The following MRAP2 variants were observed in gnomAD, a reference collection of about 807,000 sequenced individuals.
MRAP2 encodes melanocortin 2 receptor accessory protein 2, also known as melanocortin-2 receptor accessory protein 2.
A neutral mutation model predicts 17.4 loss-of-function variants in MRAP2; 20 were observed. That is an observed-to-expected ratio of 1.15 (90% confidence interval 0.81 to 1.67). MRAP2 has a LOEUF of 1.67. Among genes scored for constraint, MRAP2 ranks in the 40% most tolerant of loss-of-function variants. MRAP2 has a pLI of 0.00. For missense variants in MRAP2, 238 were observed against 240.0 expected (o/e 0.99, Z 0.05); for synonymous variants, 96 against 88.4 (o/e 1.09, Z -0.48).
At chr6:84,041,198 A>C (rs751321860) in intron 1 of MRAP2, among the ~76,000 whole-genome samples, 1 of 152,240 alleles carries the variant, frequency 6.6e-6, no homozygotes, top group Non-Finnish European at 1.5e-5. Flanking sequence ...TTAAGCCCCA[A>C]GCCTTGGCAG....
At chr6:84,066,831 T>G (rs1304431579) in intron 3 of MRAP2, among the ~76,000 whole-genome samples, 1 of 152,194 alleles carries the variant, frequency 6.6e-6, no homozygotes, top group Non-Finnish European at 1.5e-5. Flanking sequence ...TATCTCAGAT[T>G]GGCAATTTTT....
intron 3 of MRAP2, among the ~76,000 whole-genome samples, chr6:84,075,250 C>G (rs1330156815): frequency 6.6e-6 from 1 of 152,136 alleles, no homozygotes; most frequent in Non-Finnish European, 1.5e-5. Context: ...ACTAGCCACA[C>G]CCACCTGACT....
chr6:84,033,720 T>A (rs145374677), upstream of MRAP2: 3,190 of 985,096 alleles, frequency 3.2e-3, 80 homozygotes, highest in African/African-American at 0.051. Flanking sequence ...CCGCGCCGCC[T>A]CCGCTGCGGG....
Position 84,051,696 on chromosome 6 carries a change from C to G in MRAP2, c.-7-3616C>G, listed in dbSNP as rs143699478. On this transcript the variant is annotated intron_variant, in intron 1 of 3. Coordinates refer to ENST00000257776, the MANE Select transcript of MRAP2 (RefSeq NM_138409.4). ...TGTGATCATACCATCGCATTCCTAC[C>G]TGGGCAATAGAGTAAGACCTTGTCT... Among the ~76,000 whole-genome samples the G allele has an allele frequency of 1.7e-3, 257 of 152,228 alleles. 1 individual carries two copies. Among genetic ancestry groups the G allele is most frequent in the African/African-American group, 6.0e-3 (248 of 41,540 alleles).
chr6:84,127,734 G>C, the MRAP2 span, among the ~76,000 whole-genome samples: 1 of 152,116 alleles, frequency 6.6e-6, no homozygotes, highest in African/African-American at 2.4e-5. Context: ...TGATACACCT[G>C]TTCCTGGTAC....
chr6:84,047,687 C>T (rs1051529260), intron 1 of MRAP2, among the ~76,000 whole-genome samples: 1 of 152,080 alleles, frequency 6.6e-6, no homozygotes, highest in Admixed American at 6.5e-5. Flanking sequence ...TGGTAAATAA[C>T]AATTTCCCAT....
chr6:84,091,090 A>G (rs1167946357), downstream of MRAP2, among the ~76,000 whole-genome samples: 1 of 152,182 alleles, frequency 6.6e-6, no homozygotes, highest in Admixed American at 6.6e-5. Flanking sequence ...TAAAGAAAAT[A>G]TCATTCTTTA....
intron 2 of MRAP2, among the ~76,000 whole-genome samples, chr6:84,059,189 G>T (rs1265075565): frequency 6.6e-6 from 1 of 152,162 alleles, no homozygotes; most frequent in Non-Finnish European, 1.5e-5. Flanking sequence ...CTCTTAATTT[G>T]AGCTATCAGT....
At chr6:84,133,461 GGA>G in the MRAP2 span, among the ~76,000 whole-genome samples, 2 of 152,174 alleles carry the variant, frequency 1.3e-5, no homozygotes, top group Non-Finnish European at 2.9e-5. Flanking sequence ...CCCCAGAGGT[GGA>G]GTCTATAGAG....
the MRAP2 span, chr6:84,125,363 G>C: frequency 9.0e-7 from 1 of 1,113,672 alleles, no homozygotes; most frequent in African/African-American, 1.6e-5. Context: ...GCAAACCTGG[G>C]GTTTCTTTGG....
chr6:84,067,332 C>G (rs947891086), intron 3 of MRAP2, among the ~76,000 whole-genome samples: 3 of 152,176 alleles, frequency 2.0e-5, no homozygotes, highest in Admixed American at 1.3e-4. Context: ...AATTGTGCTG[C>G]TATAAGCATG....
intron 3 of MRAP2, among the ~76,000 whole-genome samples, chr6:84,085,541 C>T (rs1241547404): frequency 1.3e-5 from 2 of 152,142 alleles, no homozygotes; most frequent in Non-Finnish European, 2.9e-5. Flanking sequence ...ATCCTGCATC[C>T]ACCACTTAGG....
chr6:84,064,518 T>C lies in MRAP2; in HGVS notation c.227+1526T>C, dbSNP rs193075659. Among the ~76,000 whole-genome samples, 905 of 152,202 alleles carry C rather than the reference T, an allele frequency of 5.9e-3. 25 individuals carry two copies. The highest frequency in any genetic ancestry group is 0.051 in the Admixed American group (775 of 15,292). The stretch of plus-strand genomic sequence containing the variant: ...TTGTTTGTTTTTTGAGACGGAGTCT[T>C]GCTCTGTCACCCAGGCTGGAGTGCA... On this transcript the variant is annotated intron_variant, in intron 3 of 3. Transcript: ENST00000257776.
chr6:84,094,252 GC>G (rs2099502287), downstream of MRAP2, among the ~76,000 whole-genome samples: 1 of 152,134 alleles, frequency 6.6e-6, no homozygotes, highest in Non-Finnish European at 1.5e-5. Context: ...AGCAAAGGTT[GC>G]CTAGTCACAG....
the MRAP2 span, among the ~76,000 whole-genome samples, chr6:84,102,834 G>A: frequency 1.3e-5 from 2 of 152,130 alleles, no homozygotes; most frequent in Non-Finnish European, 2.9e-5. Context: ...AGGTGGGCAG[G>A]TGGAATGTGT....
chr6:84,118,999 T>G, the MRAP2 span, among the ~76,000 whole-genome samples: 1 of 152,146 alleles, frequency 6.6e-6, no homozygotes, highest in African/African-American at 2.4e-5. Flanking sequence ...TTTGTAAAAG[T>G]GTGGGTTTAC....
At chr6:84,057,180 TC>T (rs1459419277) in intron 2 of MRAP2, among the ~76,000 whole-genome samples, 1 of 152,156 alleles carries the variant, frequency 6.6e-6, no homozygotes, top group African/African-American at 2.4e-5. Flanking sequence ...AGTGAAAAGA[TC>T]AAGTCAACTG....
At chr6:84,060,829 G>A (rs1214893230) in intron 2 of MRAP2, among the ~76,000 whole-genome samples, 4 of 151,120 alleles carry the variant, frequency 2.6e-5, no homozygotes, top group African/African-American at 9.8e-5. Flanking sequence ...GGGACTACAG[G>A]CGCCTGCCAC....
In MRAP2 at chr6:84,042,833, C is replaced by G. The variant is rs112902535; in HGVS notation, c.-8+8950C>G. On this transcript the variant is annotated intron_variant, in intron 1 of 3. Transcript: ENST00000257776. ...TCAGAAGATAAGATGGTCATTAGAA[C>G]GTTCAGCTTTTCTACTGCTGTGTCT... Among the ~76,000 whole-genome samples, 980 of 152,314 alleles carry G rather than the reference C, an allele frequency of 6.4e-3. 17 individuals carry two copies. Among genetic ancestry groups the G allele is most frequent in the African/African-American group, 0.022 (917 of 41,558 alleles).
Sources: allele counts gnomAD v4.1 joint callset (sites outside exome capture counted in the v4.1 genomes callset), GRCh38; gene constraint gnomAD v4.1.1; transcripts MANE v1.5; gene names NCBI Gene and HGNC (gene_info 2026-07-23, HGNC 2026-07-21).